DTNA: variants seen among roughly 807,000 people sequenced by gnomAD.
DTNA encodes the protein dystrobrevin alpha.
DTNA carries 43 observed loss-of-function variants against 100.7 expected under a neutral mutation model. The observed-to-expected ratio is 0.43, with a 90% CI of 0.33 to 0.55. The LOEUF (loss-of-function observed/expected upper bound fraction) is 0.55, where lower values mean the gene tolerates loss of function less well. DTNA is among the 20% of genes least tolerant of loss of function. The pLI, the probability that DTNA is intolerant of heterozygous loss-of-function variation, is 0.04. For missense variants in DTNA, 798 were observed against 953.9 expected, an observed-to-expected ratio of 0.84 and a Z score of 2.15; for synonymous variants, 349 against 347.9, an observed-to-expected ratio of 1.00 and a Z score of -0.04.
intron 8 of DTNA, chr18:34,818,641 A>C (rs185407416): frequency 3.4e-6 from 4 of 1,164,794 alleles, no homozygotes; most frequent in Non-Finnish European, 4.3e-6. Flanking sequence ...ATAATCTTAC[A>C]TTCACAGTAA....
At chr18:34,700,360 G>A (rs2081200528) in intron 1 of DTNA, among the ~76,000 whole-genome samples, 1 of 151,984 alleles carries the variant, frequency 6.6e-6, no homozygotes, top group South Asian at 2.1e-4. Flanking sequence ...AATACCACAT[G>A]CTCCACTTCC....
intron 1 of DTNA, among the ~76,000 whole-genome samples, chr18:34,533,816 T>A (rs2043401736): frequency 6.6e-6 from 1 of 152,152 alleles, no homozygotes. Flanking sequence ...TGAAGCATTC[T>A]ATGGTACAGA....
chr18:34,782,848 TATA>T (rs1291795627), intron 3 of DTNA, among the ~76,000 whole-genome samples: 1 of 152,112 alleles, frequency 6.6e-6, no homozygotes, highest in Non-Finnish European at 1.5e-5. Flanking sequence ...AGCAGAACCT[TATA>T]ATATTTCTTA....
intron 3 of DTNA, among the ~76,000 whole-genome samples, chr18:34,770,441 A>G (rs2093707205): frequency 6.6e-6 from 1 of 152,188 alleles, no homozygotes; most frequent in African/African-American, 2.4e-5. Flanking sequence ...TCCAAATTTC[A>G]TAAATGTTGG....
intron 13 of DTNA, among the ~76,000 whole-genome samples, chr18:34,846,336 A>G (rs946077013): frequency 6.6e-6 from 1 of 152,196 alleles, no homozygotes; most frequent in Non-Finnish European, 1.5e-5. Context: ...GGATATGAAC[A>G]TGTTATTTAA....
At chr18:34,539,508 T>C (rs1220315102) in intron 1 of DTNA, among the ~76,000 whole-genome samples, 1 of 152,002 alleles carries the variant, frequency 6.6e-6, no homozygotes, top group Non-Finnish European at 1.5e-5. Context: ...AGTAATCTAA[T>C]AAAGTGTCAG....
intron 1 of DTNA, among the ~76,000 whole-genome samples, chr18:34,573,588 T>C (rs566390323): frequency 1.3e-5 from 2 of 152,318 alleles, no homozygotes; most frequent in East Asian, 1.9e-4. Flanking sequence ...ATTGAAAAAT[T>C]AAAATTGTAT....
intron 2 of DTNA, among the ~76,000 whole-genome samples, chr18:34,758,870 G>A (rs898631561): frequency 1.3e-5 from 2 of 152,172 alleles, no homozygotes; most frequent in African/African-American, 4.8e-5. Context: ...CAATTGATAA[G>A]AAAAATGGAT....
chr18:34,760,963 A>G (rs1239585209), intron 2 of DTNA, among the ~76,000 whole-genome samples: 1 of 152,136 alleles, frequency 6.6e-6, no homozygotes, highest in Non-Finnish European at 1.5e-5. Context: ...CCCATCAACA[A>G]ACCTATTCCT....
intron 14 of DTNA, among the ~76,000 whole-genome samples, chr18:34,850,158 A>G (rs923135702): frequency 4.6e-5 from 7 of 152,240 alleles, no homozygotes; most frequent in Non-Finnish European, 1.0e-4. Context: ...CATGATTAGT[A>G]AGATGACACT....
intron 1 of DTNA, among the ~76,000 whole-genome samples, chr18:34,596,249 G>T (rs2050583372): frequency 6.6e-6 from 1 of 152,014 alleles, no homozygotes; most frequent in Admixed American, 6.6e-5. Flanking sequence ...TTATTCTGTT[G>T]CCCAGGCTAG....
chr18:34,731,307 G>A (rs1248958411), intron 1 of DTNA, among the ~76,000 whole-genome samples: 12 of 151,548 alleles, frequency 7.9e-5, no homozygotes, highest in Admixed American at 3.3e-4. Context: ...GTGAAACCCC[G>A]TCTCTATTAA....
intron 1 of DTNA, among the ~76,000 whole-genome samples, chr18:34,522,185 G>A (rs565568176): frequency 1.1e-4 from 16 of 152,068 alleles, no homozygotes; most frequent in Non-Finnish European, 1.6e-4. Context: ...TATAAAGAAC[G>A]GAGCCATGCC....
At chr18:34,883,311 C>T (rs512032) in intron 21 of DTNA, among the ~76,000 whole-genome samples, 47,296 of 151,358 alleles carry the variant, frequency 0.31, 9,170 homozygotes, top group African/African-American at 0.55. Context: ...TTTCTTTTTT[C>T]CTTTTTTTTT....
At chr18:34,827,771 AATATT>A in intron 10 of DTNA, 95 bp downstream of exon 10, 1 of 1,245,962 alleles carries the variant, frequency 8.0e-7, no homozygotes, top group South Asian at 1.2e-5. Context: ...CCAAGGGCAG[AATATT>A]GTTACTAGAA....
chr18:34,517,901 G>T (rs1601395035), intron 1 of DTNA, among the ~76,000 whole-genome samples: 1 of 152,046 alleles, frequency 6.6e-6, no homozygotes, highest in African/African-American at 2.4e-5. Context: ...AAGTAAATAT[G>T]CTATGAACAT....
chr18:34,842,168 T>A (rs1002462469), intron 13 of DTNA, among the ~76,000 whole-genome samples: 1 of 152,144 alleles, frequency 6.6e-6, no homozygotes, highest in Non-Finnish European at 1.5e-5. Context: ...ACCAAATGAT[T>A]TGAAACCAGC....
chr18:34,601,283 A>G (rs2051764988), intron 1 of DTNA, among the ~76,000 whole-genome samples: 1 of 152,196 alleles, frequency 6.6e-6, no homozygotes, highest in Non-Finnish European at 1.5e-5. Flanking sequence ...AGAAATTTTT[A>G]GGAGAAAGGT....
intron 15 of DTNA, among the ~76,000 whole-genome samples, chr18:34,852,137 T>C (rs2096488720): frequency 6.6e-6 from 1 of 152,150 alleles, no homozygotes; most frequent in Non-Finnish European, 1.5e-5. Flanking sequence ...TGCATGTATG[T>C]GTATAGTTCT....
Sources: gnomAD v4.1 joint callset for allele counts (sites outside exome capture counted in the v4.1 genomes callset) on GRCh38, gnomAD v4.1.1 for gene constraint, MANE v1.5 for transcripts, NCBI Gene and HGNC (gene_info 2026-07-23, HGNC 2026-07-21) for gene names.